BMP6: variants seen among roughly 807,000 people sequenced by gnomAD.
The protein encoded by BMP6 is bone morphogenetic protein 6.
BMP6 carries 17 observed loss-of-function variants against 54.1 expected under a neutral mutation model. The ratio of observed to expected loss-of-function variants is 0.31; its 90% CI spans 0.22 to 0.47. BMP6 has a LOEUF of 0.47. Among genes scored for constraint, BMP6 ranks in the 20% least tolerant of loss-of-function variants. BMP6 has a pLI of 1.00. For missense variants in BMP6, 720 were observed against 690.4 expected (o/e 1.04, Z -0.48); for synonymous variants, 328 against 291.2 (o/e 1.13, Z -1.28).
At chr6:7,873,318 G>A (rs919073328) in intron 4 of BMP6, among the ~76,000 whole-genome samples, 2 of 152,184 alleles carry the variant, frequency 1.3e-5, no homozygotes, top group African/African-American at 4.8e-5. Context: ...TCAAGAAAGT[G>A]CTATACTTAC....
chr6:7,812,543 A>G (rs1758450374), intron 1 of BMP6, among the ~76,000 whole-genome samples: 1 of 152,238 alleles, frequency 6.6e-6, no homozygotes, highest in African/African-American at 2.4e-5. Flanking sequence ...CCCAGATATT[A>G]GATGACATAA....
intron 5 of BMP6, 84 bp from the exon 6 acceptor site, chr6:7,879,907 A>G (rs1309046892): frequency 7.3e-7 from 1 of 1,369,226 alleles, no homozygotes; most frequent in African/African-American, 1.4e-5. Flanking sequence ...TGTGAAAAAT[A>G]CCTTTTCACA....
intron 1 of BMP6, among the ~76,000 whole-genome samples, chr6:7,780,738 G>GTC (rs921261983): frequency 1.3e-5 from 2 of 151,778 alleles, no homozygotes; most frequent in Non-Finnish European, 2.9e-5. Context: ...TTTTGAGACA[G>GTC]TCTCACTCTG....
chr6:7,872,224 A>G (rs757719560), intron 4 of BMP6, among the ~76,000 whole-genome samples: 3 of 152,016 alleles, frequency 2.0e-5, no homozygotes, highest in Non-Finnish European at 2.9e-5. Flanking sequence ...CCATTCATCA[A>G]AACCAATACC....
intron 4 of BMP6, among the ~76,000 whole-genome samples, chr6:7,871,521 A>G (rs1243327269): frequency 6.6e-6 from 1 of 152,166 alleles, no homozygotes; most frequent in Admixed American, 6.5e-5. Flanking sequence ...TTTTTGCCCA[A>G]ACCCACCTAT....
intron 1 of BMP6, among the ~76,000 whole-genome samples, chr6:7,771,754 C>G (rs1253056486): frequency 2.0e-5 from 3 of 152,178 alleles, no homozygotes; most frequent in Non-Finnish European, 2.9e-5. Context: ...CCATTCCTTT[C>G]CTTAGAAGTC....
At chr6:7,834,264 A>G (rs927649292) in intron 1 of BMP6, among the ~76,000 whole-genome samples, 1 of 151,920 alleles carries the variant, frequency 6.6e-6, no homozygotes, top group African/African-American at 2.4e-5. Flanking sequence ...AAAACTACCA[A>G]AAAATCAAAA....
intron 1 of BMP6, among the ~76,000 whole-genome samples, chr6:7,749,634 T>A (rs1237520402): frequency 6.6e-6 from 1 of 152,210 alleles, no homozygotes; most frequent in Non-Finnish European, 1.5e-5. Context: ...GCCTACACCC[T>A]GTATTATGTC....
intron 1 of BMP6, among the ~76,000 whole-genome samples, chr6:7,737,634 C>T (rs1309630871): frequency 1.3e-5 from 2 of 151,846 alleles, no homozygotes; most frequent in African/African-American, 4.8e-5. Context: ...TCTTGCTTTC[C>T]CTTTTTTTTT....
intron 2 of BMP6, among the ~76,000 whole-genome samples, chr6:7,857,034 T>C (rs1759252483): frequency 6.6e-6 from 1 of 152,194 alleles, no homozygotes; most frequent in African/African-American, 2.4e-5. Flanking sequence ...CCTCCTGCCC[T>C]TGTCCGAGGG....
intron 2 of BMP6, among the ~76,000 whole-genome samples, chr6:7,860,125 C>T (rs981833038): frequency 5.5e-4 from 84 of 152,286 alleles, no homozygotes; most frequent in Non-Finnish European, 5.9e-5. Flanking sequence ...GAGATCTTGA[C>T]CACATATGAC....
At chr6:7,800,428 A>T (rs747298368) in intron 1 of BMP6, among the ~76,000 whole-genome samples, 2 of 152,202 alleles carry the variant, frequency 1.3e-5, no homozygotes, top group Non-Finnish European at 2.9e-5. Context: ...CATCTCCTTC[A>T]CAGAATGGCC....
intron 1 of BMP6, among the ~76,000 whole-genome samples, chr6:7,787,445 T>G (rs1758036253): frequency 6.6e-6 from 1 of 152,210 alleles, no homozygotes; most frequent in Non-Finnish European, 1.5e-5. Context: ...AACACAGTCC[T>G]TGGCTCAGAC....
At chr6:7,778,638 T>C (rs1757896510) in intron 1 of BMP6, among the ~76,000 whole-genome samples, 2 of 152,256 alleles carry the variant, frequency 1.3e-5, no homozygotes, top group Admixed American at 6.5e-5. Flanking sequence ...AAACTGGAAC[T>C]GTGTCATAAT....
chr6:7,753,018 C>G lies in BMP6; in HGVS notation c.664+25399C>G, dbSNP rs543616291. Among the ~76,000 whole-genome samples, 4 of 152,012 alleles carry G rather than the reference C, an allele frequency of 2.6e-5. No homozygotes were observed. In the East Asian group the frequency reaches 7.7e-4, roughly 29 times the overall value. On this transcript the variant is annotated intron_variant, in intron 1 of 6. Coordinates refer to ENST00000283147, the MANE Select transcript of BMP6 (RefSeq NM_001718.6). ...GTAATATTAAGCCCAGAACCAGCCT[C>G]ATTTTAAGATTTTACATTATATAAT...
rs1433750548 is a variant in BMP6 at position 7,878,211 on chromosome 6, GTTAT to G, written c.1205-860_1205-857del. ...CATCCATGTTCTGGTTTGTATTGGAGTTATTTGTGTGTCTGTTTTACACCACCCC... is the reference window on the plus strand; with the variant it reads ...CATCCATGTTCTGGTTTGTATTGGAGTTGTGTGTCTGTTTTACACCACCCC... On this transcript the variant is annotated intron_variant, in intron 4 of 6. Transcript: ENST00000283147. Among the ~76,000 whole-genome samples, 3 of 152,148 alleles carry G rather than the reference GTTAT, an allele frequency of 2.0e-5. No individual in the cohort carries two copies. The South Asian group carries it at 6.2e-4, about 31-fold the overall frequency.
chr6:7,880,644 A>G lies in BMP6; in HGVS notation c.*301A>G. 1 of 409,314 alleles carries G rather than the reference A, an allele frequency of 2.4e-6. No individual in the cohort carries two copies. Among genetic ancestry groups the G allele is most frequent in the East Asian group, 4.5e-5 (1 of 22,302 alleles). The allele number at this position is 409,314 out of a possible 1,614,324, so 25.4% of individuals were successfully genotyped here. A position where few individuals can be genotyped will look rare whatever the true frequency, so the allele number is the denominator to read the frequency against. ...TACCCTCCTCCCCCAAAAACCCACCAAAATTAGTTTTAGCTGTAGATCAAG... is the reference window on the plus strand; with the variant it reads ...TACCCTCCTCCCCCAAAAACCCACCGAAATTAGTTTTAGCTGTAGATCAAG... On this transcript the variant is annotated 3_prime_UTR_variant, in exon 7 of 7. Coordinates refer to ENST00000283147, the MANE Select transcript of BMP6 (RefSeq NM_001718.6).
chr6:7,826,285 G>T (rs1158916982), intron 1 of BMP6, among the ~76,000 whole-genome samples: 1 of 152,154 alleles, frequency 6.6e-6, no homozygotes, highest in East Asian at 1.9e-4. Context: ...TAGGATTCAC[G>T]TTCACTTTCT....
At chr6:7,858,018 C>T (rs779499037) in intron 2 of BMP6, among the ~76,000 whole-genome samples, 9 of 152,152 alleles carry the variant, frequency 5.9e-5, no homozygotes, top group African/African-American at 1.4e-4. Flanking sequence ...CACCAGCCAC[C>T]TCGGGCGCCT....
Sources: allele counts gnomAD v4.1 joint callset (sites outside exome capture counted in the v4.1 genomes callset), GRCh38; gene constraint gnomAD v4.1.1; transcripts MANE v1.5; gene names NCBI Gene and HGNC (gene_info 2026-07-23, HGNC 2026-07-21).